The following HS6ST3 variants were observed in gnomAD, a reference collection of about 807,000 sequenced individuals.
HS6ST3 encodes heparan-sulfate 6-O-sulfotransferase 3.
Under a neutral mutation model 36.7 loss-of-function variants are expected in HS6ST3, and 12 were observed. That is an observed-to-expected ratio of 0.33 (90% CI 0.21 to 0.53). HS6ST3 has a LOEUF of 0.53. HS6ST3 is among the 20% of genes least tolerant of loss of function. The pLI is 0.95. For missense variants in HS6ST3, 584 were observed against 640.9 expected (o/e 0.91, Z 0.96); for synonymous variants, 240 against 257.5 (o/e 0.93, Z 0.65).
chr13:96,139,445 C>T (rs960821861), intron 1 of HS6ST3, among the ~76,000 whole-genome samples: 7 of 140,930 alleles, frequency 5.0e-5, no homozygotes, highest in South Asian at 2.3e-4. Flanking sequence ...TGAGTGTAAG[C>T]GGGTAAAAAA....
At chr13:96,182,341 G>A (rs1470260502) in intron 1 of HS6ST3, among the ~76,000 whole-genome samples, 2 of 152,184 alleles carry the variant, frequency 1.3e-5, no homozygotes, top group South Asian at 2.1e-4. Flanking sequence ...GGGCCATAAA[G>A]GCGATGTCTT....
intron 1 of HS6ST3, among the ~76,000 whole-genome samples, chr13:96,139,563 A>AAAG (rs2054019437): frequency 6.6e-6 from 1 of 150,534 alleles, no homozygotes; most frequent in Non-Finnish European, 1.5e-5. Flanking sequence ...AAAAAAAAAA[A>AAAG]AAAATCCATG....
chr13:96,254,428 AAAAAAAAAAAAAAAAAAAAAATATATAT>A (rs1474168404), intron 1 of HS6ST3, among the ~76,000 whole-genome samples: 75 of 31,426 alleles, frequency 2.4e-3, no homozygotes, highest in African/African-American at 6.5e-3. Context: ...AAAAAAAAAA[AAAAAAAAAAAAAAAAAAAAAATATATAT>A]ATATATATAT....
chr13:96,778,455 A>G (rs757953019), intron 1 of HS6ST3, among the ~76,000 whole-genome samples: 6 of 152,268 alleles, frequency 3.9e-5, no homozygotes, highest in Non-Finnish European at 7.3e-5. Context: ...TGGAATCTAC[A>G]ATGAACTTAA....
intron 1 of HS6ST3, among the ~76,000 whole-genome samples, chr13:96,795,081 AT>A (rs1463865720): frequency 6.6e-6 from 1 of 152,050 alleles, no homozygotes; most frequent in East Asian, 1.9e-4. Flanking sequence ...TTTTAAAAAA[AT>A]AGCTCACTGC....
At chr13:96,328,895 C>A (rs929994483) in intron 1 of HS6ST3, among the ~76,000 whole-genome samples, 36 of 152,032 alleles carry the variant, frequency 2.4e-4, no homozygotes, top group African/African-American at 8.2e-4. Flanking sequence ...CAACTTCTTC[C>A]TGGTTTAGTC....
At chr13:96,539,809 C>T (rs866156287) in intron 1 of HS6ST3, among the ~76,000 whole-genome samples, 2 of 152,206 alleles carry the variant, frequency 1.3e-5, no homozygotes, top group Admixed American at 1.3e-4. Flanking sequence ...CAGAAAGCCA[C>T]GGTGGCTTCC....
chr13:96,176,433 G>T (rs774815435), intron 1 of HS6ST3, among the ~76,000 whole-genome samples: 26 of 151,840 alleles, frequency 1.7e-4, no homozygotes, highest in Admixed American at 5.9e-4. Context: ...TGAATACCTT[G>T]TTCTAGGCAG....
intron 1 of HS6ST3, among the ~76,000 whole-genome samples, chr13:96,401,821 G>A (rs565321869): frequency 2.8e-4 from 42 of 152,260 alleles, no homozygotes; most frequent in Middle Eastern, 3.4e-3. Context: ...TGACCAGCCT[G>A]CCCCGGCCTC....
At chr13:96,553,717 G>C (rs565570046) in intron 1 of HS6ST3, among the ~76,000 whole-genome samples, 11 of 152,346 alleles carry the variant, frequency 7.2e-5, no homozygotes, top group African/African-American at 2.4e-4. Context: ...TGAAGCTTCA[G>C]GTGGTAGTTC....
intron 1 of HS6ST3, among the ~76,000 whole-genome samples, chr13:96,750,513 G>A (rs898624400): frequency 1.3e-5 from 2 of 152,196 alleles, no homozygotes; most frequent in Admixed American, 1.3e-4. Flanking sequence ...TTAATCAAAC[G>A]GGAGGAATGT....
At chr13:96,506,438 T>C (rs1156947535) in intron 1 of HS6ST3, among the ~76,000 whole-genome samples, 1 of 152,186 alleles carries the variant, frequency 6.6e-6, no homozygotes, top group Non-Finnish European at 1.5e-5. Context: ...CACCATGTAC[T>C]ATATACAAGT....
chr13:96,519,987 T>C (rs866562416), intron 1 of HS6ST3, among the ~76,000 whole-genome samples: 1 of 152,238 alleles, frequency 6.6e-6, no homozygotes, highest in Non-Finnish European at 1.5e-5. Flanking sequence ...TTGTCTTTAT[T>C]ATTTTTAGTA....
chr13:96,585,872 T>A (rs1226561446), intron 1 of HS6ST3, among the ~76,000 whole-genome samples: 1 of 152,204 alleles, frequency 6.6e-6, no homozygotes, highest in African/African-American at 2.4e-5. Flanking sequence ...CTTAATTGAC[T>A]CCATATTGTG....
intron 1 of HS6ST3, among the ~76,000 whole-genome samples, chr13:96,300,204 G>C (rs758386880): frequency 2.6e-5 from 4 of 151,540 alleles, no homozygotes; most frequent in Non-Finnish European, 5.9e-5. Context: ...TTACAGGTGT[G>C]TGACACCACA....
intron 1 of HS6ST3, among the ~76,000 whole-genome samples, chr13:96,804,541 A>G (rs1878152663): frequency 6.6e-6 from 1 of 152,192 alleles, no homozygotes; most frequent in Admixed American, 6.5e-5. Flanking sequence ...TTCTTTCTTT[A>G]AAAGTAATAT....
intron 1 of HS6ST3, among the ~76,000 whole-genome samples, chr13:96,120,681 T>G (rs1432635928): frequency 1.3e-5 from 2 of 152,230 alleles, no homozygotes; most frequent in Non-Finnish European, 2.9e-5. Flanking sequence ...ACTTGGTTTT[T>G]TCTGCTGTGA....
chr13:96,330,004 C>A (rs1409905310), intron 1 of HS6ST3, among the ~76,000 whole-genome samples: 1 of 150,880 alleles, frequency 6.6e-6, no homozygotes, highest in East Asian at 2.0e-4. Flanking sequence ...AGGATTGCAA[C>A]CCCTGCCTTT....
intron 1 of HS6ST3, among the ~76,000 whole-genome samples, chr13:96,352,392 T>G (rs1377191314): frequency 6.6e-6 from 1 of 152,202 alleles, no homozygotes; most frequent in Non-Finnish European, 1.5e-5. Flanking sequence ...CACATGGTGA[T>G]GATCATTGGC....
Sources: allele counts gnomAD v4.1 joint callset (sites outside exome capture counted in the v4.1 genomes callset), GRCh38; gene constraint gnomAD v4.1.1; transcripts MANE v1.5; gene names NCBI Gene and HGNC (gene_info 2026-07-23, HGNC 2026-07-21).